Variants in AKAP6 observed in about 807,000 individuals in gnomAD.
AKAP6 encodes A-kinase anchor protein 6.
A neutral mutation model predicts 188.5 loss-of-function variants in AKAP6; 58 were observed. That is an observed-to-expected ratio of 0.31 (90% CI 0.25 to 0.38). The LOEUF is 0.38. Ranked by LOEUF, AKAP6 falls within the 10% of genes least tolerant of loss-of-function variation. The pLI is 1.00. For missense variants in AKAP6, 2,710 were observed against 2,740.0 expected, an observed-to-expected ratio of 0.99 and a Z score of 0.24; for synonymous variants, 989 against 998.6, an observed-to-expected ratio of 0.99 and a Z score of 0.18.
At chr14:32,445,206 A>G (rs1890717452) in intron 2 of AKAP6, among the ~76,000 whole-genome samples, 1 of 151,994 alleles carries the variant, frequency 6.6e-6, no homozygotes, top group Non-Finnish European at 1.5e-5. Context: ...AGAAATTCAT[A>G]CCTTGGAATA....
In AKAP6 at chr14:32,455,154, AT is replaced by A. The variant is rs112823933; in HGVS notation, c.324+21348del. 7.3e-3 allele frequency among the ~76,000 whole-genome samples: 1,063 copies of A among 144,978 alleles called. 14 individuals carry two copies. Among genetic ancestry groups the A allele is most frequent in the African/African-American group, 0.025 (987 of 39,584 alleles). ...CTATTTTTGTTTCAATTAAAAAACA[AT>A]TTTTTTTTTTAGAGATGGGCCTCAC... On this transcript the variant is annotated intron_variant, in intron 2 of 13. Transcript: ENST00000280979.
intron 2 of AKAP6, among the ~76,000 whole-genome samples, chr14:32,483,005 A>ATGTGTGTGTGTGTGTG (rs1435446426): frequency 2.7e-3 from 299 of 111,148 alleles, no homozygotes; most frequent in African/African-American, 6.4e-3. Flanking sequence ...ATATATATAT[A>ATGTGTGTGTGTGTGTG]TATATATGTA....
intron 2 of AKAP6, among the ~76,000 whole-genome samples, chr14:32,525,296 G>A (rs1594709324): frequency 6.6e-6 from 1 of 152,140 alleles, no homozygotes; most frequent in East Asian, 1.9e-4. Flanking sequence ...CCTGGTATTA[G>A]GTATTTAAAG....
intron 2 of AKAP6, among the ~76,000 whole-genome samples, chr14:32,447,162 T>C (rs1890782067): frequency 6.6e-6 from 1 of 152,188 alleles, no homozygotes; most frequent in Non-Finnish European, 1.5e-5. Context: ...ACACTCAGCC[T>C]GCACTGCTCT....
intron 1 of AKAP6, among the ~76,000 whole-genome samples, chr14:32,427,837 A>G (rs1890085607): frequency 6.6e-6 from 1 of 152,230 alleles, no homozygotes; most frequent in African/African-American, 2.4e-5. Context: ...AACTTATGTG[A>G]TGCTTAATAT....
chr14:32,802,112 T>G (rs2033966658), intron 12 of AKAP6, among the ~76,000 whole-genome samples: 1 of 152,236 alleles, frequency 6.6e-6, no homozygotes, highest in Non-Finnish European at 1.5e-5. Flanking sequence ...ATTATATGTA[T>G]GTTATACCAT....
intron 9 of AKAP6, among the ~76,000 whole-genome samples, chr14:32,722,520 T>C (rs1214664132): frequency 6.6e-6 from 1 of 152,076 alleles, no homozygotes; most frequent in Non-Finnish European, 1.5e-5. Context: ...GAATGTTGCC[T>C]TTTCCAAAAC....
At chr14:32,563,671 C>A (rs1311732802) in intron 4 of AKAP6, among the ~76,000 whole-genome samples, 1 of 152,184 alleles carries the variant, frequency 6.6e-6, no homozygotes, top group Non-Finnish European at 1.5e-5. Flanking sequence ...TTCGTGGGAC[C>A]TGTGATGGCC....
rs767125715 is a variant in AKAP6 at position 32,602,947 on chromosome 14, C to T, written c.2730+2155C>T. On this transcript the variant is annotated intron_variant, in intron 7 of 13. Transcript: ENST00000280979. Reference sequence around the variant, plus strand: ...GCGTTAGAGATGAACAGCTGGCTTCCGTGCCTGTCTCATGAAGCTTGTGGT... The same window carrying T: ...GCGTTAGAGATGAACAGCTGGCTTCTGTGCCTGTCTCATGAAGCTTGTGGT... 1.1e-4 allele frequency among the ~76,000 whole-genome samples: 17 copies of T among 152,116 alleles called. No individual in the cohort carries two copies. The East Asian group carries it at 1.5e-3, about 14-fold the overall frequency.
chr14:32,586,987 T>C (rs1219714211), intron 5 of AKAP6, among the ~76,000 whole-genome samples: 1 of 152,210 alleles, frequency 6.6e-6, no homozygotes, highest in Non-Finnish European at 1.5e-5. Context: ...TTTTACCAGT[T>C]TATACTCAAC....
intron 1 of AKAP6, among the ~76,000 whole-genome samples, chr14:32,430,430 T>C (rs1450951667): frequency 6.6e-6 from 1 of 152,188 alleles, no homozygotes; most frequent in African/African-American, 2.4e-5. Flanking sequence ...TTTAGTGTGT[T>C]TTTTAGTTTA....
At chr14:32,767,394 C>A (rs1311474997) in intron 11 of AKAP6, among the ~76,000 whole-genome samples, 1 of 152,070 alleles carries the variant, frequency 6.6e-6, no homozygotes, top group Non-Finnish European at 1.5e-5. Flanking sequence ...CTGATATTTT[C>A]TTGTATATTT....
At chr14:32,520,739 G>A (rs1446486759) in intron 2 of AKAP6, among the ~76,000 whole-genome samples, 2 of 152,070 alleles carry the variant, frequency 1.3e-5, no homozygotes, top group African/African-American at 4.8e-5. Context: ...GACCAGACGC[G>A]TTCATAGCCG....
At chr14:32,489,150 A>G (rs1273867206) in intron 2 of AKAP6, among the ~76,000 whole-genome samples, 1 of 152,134 alleles carries the variant, frequency 6.6e-6, no homozygotes, top group Non-Finnish European at 1.5e-5. Flanking sequence ...AACATAGTAT[A>G]TTTTACTATT....
rs73256742 is a variant in AKAP6, at chr14:32,349,985, A to C, written c.-35+20577A>C. 2.4e-3 allele frequency among the ~76,000 whole-genome samples: 362 copies of C among 152,332 alleles called. 1 individual carries two copies. Among genetic ancestry groups the C allele is most frequent in the African/African-American group, 7.6e-3 (316 of 41,578 alleles). ...TAGTATTGAGTTAAAATATAAAATAAATATACATGAGTGTATACTAATATA... is the reference window on the plus strand; with the variant it reads ...TAGTATTGAGTTAAAATATAAAATACATATACATGAGTGTATACTAATATA... On this transcript the variant is annotated intron_variant, in intron 1 of 13. Transcript: ENST00000280979.
chr14:32,413,891 G>A (rs1197648904), intron 1 of AKAP6, among the ~76,000 whole-genome samples: 1 of 151,318 alleles, frequency 6.6e-6, no homozygotes, highest in African/African-American at 2.4e-5. Flanking sequence ...TATACACTGA[G>A]TACAAAAGAG....
intron 2 of AKAP6, among the ~76,000 whole-genome samples, chr14:32,476,393 C>A (rs1879067662): frequency 6.6e-6 from 1 of 152,098 alleles, no homozygotes; most frequent in Non-Finnish European, 1.5e-5. Context: ...ATTTGGAAGC[C>A]CCCAAAGTCA....
chr14:32,516,754 G>A (rs1408035396), intron 2 of AKAP6, among the ~76,000 whole-genome samples: 2 of 152,048 alleles, frequency 1.3e-5, no homozygotes, highest in Non-Finnish European at 1.5e-5. Context: ...ACTCATAGGT[G>A]TTTTATTTTT....
intron 1 of AKAP6, among the ~76,000 whole-genome samples, chr14:32,381,190 T>C (rs1208323069): frequency 6.6e-6 from 1 of 151,802 alleles, no homozygotes; most frequent in Non-Finnish European, 1.5e-5. Flanking sequence ...TACAAAAAAA[T>C]TTAGCTGGGC....
Sources: allele counts gnomAD v4.1 joint callset (sites outside exome capture counted in the v4.1 genomes callset), GRCh38; gene constraint gnomAD v4.1.1; transcripts MANE v1.5; gene names NCBI Gene and HGNC (gene_info 2026-07-23, HGNC 2026-07-21).